The following ANGPTL2 variants were observed in gnomAD, a reference collection of about 807,000 sequenced individuals.
The protein encoded by ANGPTL2 is angiopoietin like 2, also known as angiopoietin-related protein 2.
Under a neutral mutation model 52.8 loss-of-function variants are expected in ANGPTL2, and 25 were observed. The observed-to-expected ratio is 0.47, with a 90% CI of 0.35 to 0.66. ANGPTL2 has a LOEUF of 0.66. Ranked by LOEUF, ANGPTL2 falls within the 30% of genes least tolerant of loss-of-function variation. ANGPTL2 has a pLI of 0.01. For synonymous variants in ANGPTL2, 276 were observed against 277.4 expected (o/e 1.00, Z 0.05); for missense variants, 546 against 656.9 (o/e 0.83, Z 1.84).
chr9:127,116,582 G>C (rs902177351), intron 1 of ANGPTL2, among the ~76,000 whole-genome samples: 2 of 152,150 alleles, frequency 1.3e-5, no homozygotes, highest in African/African-American at 4.8e-5. Context: ...CCTACAACTG[G>C]GAAAGCCCTA....
rs776991512 is a variant in ANGPTL2 at position 127,108,269 on chromosome 9, G to A, written c.463C>T (p.Leu155Phe). 13 of 1,613,898 alleles carry A rather than the reference G, an allele frequency of 8.1e-6. No individual in the cohort carries two copies. Among genetic ancestry groups the A allele is most frequent in the East Asian group, 2.2e-5 (1 of 44,862 alleles). ...IIRKRDNALE[L>F]SQLENRILNQ... ...AGGATCCTGTTCTCCAGCTGGGAGA[G>A]CTCCAACGCGTTGTCCCGCTTGCGG... Residue 155 changes from leucine to phenylalanine, a missense_variant, in exon 2 of 5, where the codon CTC (leucine) becomes TTC (phenylalanine). Leu to Phe is a conservative substitution (Grantham distance 22). Transcript: ENST00000373425.
chr9:127,097,738 G>A (rs1040213779), intron 2 of ANGPTL2, among the ~76,000 whole-genome samples: 13 of 152,300 alleles, frequency 8.5e-5, no homozygotes, highest in Non-Finnish European at 1.5e-4. Context: ...TAATGCCCTC[G>A]TAGGGGGCCA....
chr9:127,102,710 C>T (rs2053856301), intron 2 of ANGPTL2, among the ~76,000 whole-genome samples: 1 of 152,132 alleles, frequency 6.6e-6, no homozygotes. Context: ...GAAAGCAAAG[C>T]AATAAGGGAG....
chr9:127,098,115 A>G (rs1230746525), intron 2 of ANGPTL2, among the ~76,000 whole-genome samples: 1 of 152,258 alleles, frequency 6.6e-6, no homozygotes, highest in Non-Finnish European at 1.5e-5. Context: ...TTTCAATACA[A>G]GACTAAATGT....
intron 2 of ANGPTL2, among the ~76,000 whole-genome samples, chr9:127,099,890 G>A (rs574724817): frequency 1.2e-3 from 184 of 152,318 alleles, no homozygotes; most frequent in Middle Eastern, 3.4e-3. Context: ...GCCCTCAAAC[G>A]ATGGGCATGG....
At chr9:127,115,239 G>T (rs1458792832) in intron 1 of ANGPTL2, among the ~76,000 whole-genome samples, 4 of 151,926 alleles carry the variant, frequency 2.6e-5, no homozygotes, top group Non-Finnish European at 5.9e-5. Context: ...ACCCAGGCTG[G>T]AGTGCAATGG....
chr9:127,113,335 T>G (rs2055045310), intron 1 of ANGPTL2, among the ~76,000 whole-genome samples: 2 of 152,322 alleles, frequency 1.3e-5, no homozygotes, highest in South Asian at 2.1e-4. Context: ...TCTTTGAGCC[T>G]CAGAGTCATT....
intron 1 of ANGPTL2, among the ~76,000 whole-genome samples, chr9:127,118,706 T>C (rs2137578139): frequency 6.6e-6 from 1 of 152,344 alleles, no homozygotes; most frequent in African/African-American, 2.4e-5. Context: ...TGTGTGATTA[T>C]TTACTGTCTG....
chr9:127,112,006 T>C (rs2054864137), intron 1 of ANGPTL2, among the ~76,000 whole-genome samples: 1 of 152,226 alleles, frequency 6.6e-6, no homozygotes, highest in South Asian at 2.1e-4. Flanking sequence ...CTTTGGGGGC[T>C]TCTCCAGTGA....
At position 127,096,402 on chromosome 9, in the gene ANGPTL2, G is replaced by A. The variant is rs547466064; in HGVS notation, c.818-2476C>T. ...GTGACGGAAGATCCGGCAGAAGCCT[G>A]CAAAATAACGCCCACTGAGAGCGAG... On this transcript the variant is annotated intron_variant, in intron 2 of 4. Transcript: ENST00000373425. Among the ~76,000 whole-genome samples the A allele has an allele frequency of 1.8e-4, 28 of 152,334 alleles. No homozygotes were observed. The East Asian group carries it at 5.4e-3, about 29-fold the overall frequency.
intron 3 of ANGPTL2, among the ~76,000 whole-genome samples, chr9:127,092,890 T>G (rs2052652504): frequency 6.6e-6 from 1 of 152,114 alleles, no homozygotes; most frequent in South Asian, 2.1e-4. Context: ...CAGAGCCATG[T>G]GTGCAAGGCA....
rs79196031 is a variant in ANGPTL2 at position 127,092,048 on chromosome 9, G to C, written c.1012-108C>G. ...GATAGAGGGGCCTGGGAAACAAGCA[G>C]AGCATGAAGCAGACCTGGTTCAGAC... On this transcript the variant is annotated intron_variant, in intron 3 of 4. Coordinates refer to ENST00000373425, the MANE Select transcript of ANGPTL2 (RefSeq NM_012098.3). 8,797 of 1,401,988 alleles carry C rather than the reference G, an allele frequency of 6.3e-3. 295 individuals carry two copies. In the East Asian group the frequency reaches 0.083, roughly 13 times the overall value. 86.8% of individuals were successfully genotyped at this position (1,401,988 alleles called of 1,614,324 possible).
At chr9:127,118,329 C>G (rs2137559094) in intron 1 of ANGPTL2, among the ~76,000 whole-genome samples, 1 of 152,332 alleles carries the variant, frequency 6.6e-6, no homozygotes, top group Admixed American at 6.5e-5. Flanking sequence ...TAGAAACTAC[C>G]CCCAGAATGA....
intron 2 of ANGPTL2, among the ~76,000 whole-genome samples, chr9:127,097,337 G>A (rs2053244500): frequency 6.6e-6 from 1 of 152,206 alleles, no homozygotes; most frequent in African/African-American, 2.4e-5. Context: ...GTATCAAATT[G>A]TGTAGAAATG....
At chr9:127,107,017 G>A (rs933394786) in intron 2 of ANGPTL2, 2 of 152,222 alleles carry the variant, frequency 1.3e-5, no homozygotes, top group African/African-American at 4.8e-5. Flanking sequence ...GATGAACAAG[G>A]GGCTGAGCTT....
At chr9:127,115,237 T>G (rs2055279167) in intron 1 of ANGPTL2, among the ~76,000 whole-genome samples, 1 of 152,130 alleles carries the variant, frequency 6.6e-6, no homozygotes, top group Non-Finnish European at 1.5e-5. Context: ...TCACCCAGGC[T>G]GGAGTGCAAT....
chr9:127,091,760 C>A lies in ANGPTL2; in HGVS notation c.1192G>T (p.Gly398Trp). Reference protein sequence around the residue: ...PESEYYKLRLGRYHGNAGDSF... With the variant: ...PESEYYKLRLWRYHGNAGDSF... ...TCACCCGCATTGCCATGGTAGCGCC[C>A]CAGCCGCAGCTTATAATACTCGCTC... is the stretch of plus-strand genomic sequence containing the variant. Residue 398 changes from glycine (G) to tryptophan (W), a missense_variant, in exon 4 of 5, where the codon GGG (glycine) becomes TGG (tryptophan). This residue lies in a region of ANGPTL2 where 261 missense variants were observed against 361.0 expected (regional missense o/e 0.72). Coordinates refer to ENST00000373425, the MANE Select transcript of ANGPTL2 (RefSeq NM_012098.3). This position sits in a 1 kb window ranked among gnomAD's most constrained non-coding sequence, Gnocchi z 4.3. The A allele has an allele frequency of 1.2e-6, 2 of 1,614,118 alleles. No homozygotes were observed. Among genetic ancestry groups the A allele is most frequent in the South Asian group, 2.2e-5 (2 of 91,080 alleles).
chr9:127,107,506 C>T (rs1424497519), intron 2 of ANGPTL2, among the ~76,000 whole-genome samples: 1 of 152,238 alleles, frequency 6.6e-6, no homozygotes, highest in Non-Finnish European at 1.5e-5. Context: ...TCTTTTGGCC[C>T]ATTGTTTATT....
chr9:127,119,808 A>AT lies in ANGPTL2; in HGVS notation c.-50+2506dup, dbSNP rs1189604005. On this transcript the variant is annotated intron_variant, in intron 1 of 4. Coordinates refer to ENST00000373425, the MANE Select transcript of ANGPTL2 (RefSeq NM_012098.3). ...TGCCTCATTAGTAGTAAGTAGTCCC[A>AT]TTTTTTTTGCCAAGCTCATGAAGTC... Among the ~76,000 whole-genome samples the AT allele has an allele frequency of 9.2e-5, 14 of 151,880 alleles. No individual in the cohort carries two copies. In the South Asian group the frequency reaches 2.5e-3, roughly 27 times the overall value.
Sources: gnomAD v4.1 joint callset for allele counts (sites outside exome capture counted in the v4.1 genomes callset) on GRCh38, gnomAD v4.1.1 for gene constraint, gnomAD v4.1.1 regional missense constraint, Gnocchi (gnomAD v3.1) non-coding constraint, MANE v1.5 for transcripts, NCBI Gene and HGNC (gene_info 2026-07-23, HGNC 2026-07-21) for gene names.